Variants in ABCA13 observed in about 807,000 individuals in gnomAD.
ABCA13 encodes ATP binding cassette subfamily A member 13, also known as ATP-binding cassette sub-family A member 13.
Under a neutral mutation model 478.7 loss-of-function variants are expected in ABCA13, and 476 were observed. The observed-to-expected ratio is 0.99, with a 90% confidence interval of 0.92 to 1.07. The LOEUF (loss-of-function observed/expected upper bound fraction) is 1.07. Ranked by LOEUF, ABCA13 falls within the 50% of genes least tolerant of loss-of-function variation. ABCA13 has a pLI of 0.00. For synonymous variants in ABCA13, 2,252 were observed against 2,158.9 expected (o/e 1.04, Z -1.20); for missense variants, 6,060 against 5,910.6 (o/e 1.03, Z -0.83).
rs553726777 is a variant in ABCA13 at position 48,479,476 on chromosome 7, G to A, written c.12976-1560G>A. On this transcript the variant is annotated intron_variant, in intron 45 of 61. Transcript: ENST00000435803. ...TGGTCTCAAACTCCTGACCTCAAGC[G>A]ATCCACCCACCTCCGCCTCCCAATG... is the stretch of plus-strand genomic sequence containing the variant. 2.6e-5 allele frequency among the ~76,000 whole-genome samples: 4 copies of A among 152,106 alleles called. No individual in the cohort carries two copies. The East Asian group carries it at 5.8e-4, about 22-fold the overall frequency.
chr7:48,581,679 T>G (rs1442462661), intron 56 of ABCA13, among the ~76,000 whole-genome samples: 1 of 152,246 alleles, frequency 6.6e-6, no homozygotes. Context: ...GATATTCATC[T>G]GTCTTACAAC....
chr7:48,339,736 C>G (rs1226203943), intron 29 of ABCA13, among the ~76,000 whole-genome samples: 1 of 152,204 alleles, frequency 6.6e-6, no homozygotes, highest in South Asian at 2.1e-4. Flanking sequence ...GTGATCCTCT[C>G]TTCTTTCTGC....
At chr7:48,451,053 A>G (rs1032112018) in intron 42 of ABCA13, among the ~76,000 whole-genome samples, 1 of 140,372 alleles carries the variant, frequency 7.1e-6, no homozygotes, top group Non-Finnish European at 1.5e-5. Flanking sequence ...GCTGGAGTGC[A>G]GTGGCGTGAT....
Position 48,524,361 on chromosome 7 carries a change from A to T in ABCA13, c.14165A>T (p.Asn4722Ile). The T allele has an allele frequency of 6.2e-7, 1 of 1,613,278 alleles. No homozygotes were observed. The highest frequency in any genetic ancestry group is 8.5e-7 in the Non-Finnish European group (1 of 1,179,564). Residue 4722 changes from asparagine (N) to isoleucine (I), a missense_variant, in exon 54 of 62, where the codon AAC becomes ATC. Asn to Ile is a moderately radical substitution (Grantham distance 149). This residue lies in a region of ABCA13 where 1,627 missense variants were observed against 1,571.0 expected (regional missense o/e 1.04). Transcript: ENST00000435803. ...AATGGAGACATTCTTGTGTTATACA[A>T]CCTTAGTAAACATTATCGACGCTTT... is the stretch of plus-strand genomic sequence containing the variant. Reference protein sequence around the residue: ...RTNGDILVLYNLSKHYRRFFQ... With the variant: ...RTNGDILVLYILSKHYRRFFQ...
intron 1 of ABCA13, among the ~76,000 whole-genome samples, chr7:48,179,922 A>G (rs971651627): frequency 2.0e-5 from 3 of 152,166 alleles, no homozygotes; most frequent in African/African-American, 7.2e-5. Flanking sequence ...CCTGCGTGAC[A>G]GAACTTCTTA....
intron 15 of ABCA13, among the ~76,000 whole-genome samples, chr7:48,258,685 T>A (rs984520968): frequency 6.6e-6 from 1 of 152,148 alleles, no homozygotes; most frequent in Non-Finnish European, 1.5e-5. Flanking sequence ...GTTTGTCTAG[T>A]TCCTGTAGGT....
At chr7:48,634,295 TGTG>T (rs1794447605) in intron 59 of ABCA13, among the ~76,000 whole-genome samples, 1 of 152,232 alleles carries the variant, frequency 6.6e-6, no homozygotes. Context: ...GTTTTGGTAT[TGTG>T]GTAACACTGG....
At chr7:48,389,436 G>A (rs1318458767) in intron 37 of ABCA13, among the ~76,000 whole-genome samples, 1 of 152,144 alleles carries the variant, frequency 6.6e-6, no homozygotes, top group African/African-American at 2.4e-5. Flanking sequence ...TAGGCCTGGG[G>A]CTCAGTCAAA....
chr7:48,308,013 A>T (rs1801170864), intron 23 of ABCA13, among the ~76,000 whole-genome samples: 1 of 152,248 alleles, frequency 6.6e-6, no homozygotes, highest in East Asian at 1.9e-4. Context: ...AAACTTTTGG[A>T]CTCTTCAGTG....
intron 20 of ABCA13, among the ~76,000 whole-genome samples, chr7:48,293,989 C>T (rs1241396275): frequency 6.6e-6 from 1 of 152,144 alleles, no homozygotes; most frequent in African/African-American, 2.4e-5. Context: ...CGGTTTTATC[C>T]ACCTCACATA....
chr7:48,227,878 G>A (rs1027643639), intron 6 of ABCA13, among the ~76,000 whole-genome samples: 1 of 152,152 alleles, frequency 6.6e-6, no homozygotes, highest in Non-Finnish European at 1.5e-5. Flanking sequence ...TAGTTGCCCA[G>A]TATAGCATTC....
intron 35 of ABCA13, among the ~76,000 whole-genome samples, chr7:48,383,536 T>C (rs969014247): frequency 4.5e-4 from 69 of 152,366 alleles, no homozygotes; most frequent in African/African-American, 1.6e-3. Flanking sequence ...AATGTGAAGG[T>C]GTTCAATGAC....
At chr7:48,631,639 T>C (rs1794174420) in intron 59 of ABCA13, among the ~76,000 whole-genome samples, 1 of 151,924 alleles carries the variant, frequency 6.6e-6, no homozygotes, top group Non-Finnish European at 1.5e-5. Flanking sequence ...TATTGGAGCT[T>C]TTTCTTTCTT....
At chr7:48,240,098 C>A (rs1304475072) in intron 9 of ABCA13, among the ~76,000 whole-genome samples, 1 of 152,222 alleles carries the variant, frequency 6.6e-6, no homozygotes, top group Non-Finnish European at 1.5e-5. Flanking sequence ...AAAGAACACA[C>A]CTCTTTAACT....
intron 27 of ABCA13, among the ~76,000 whole-genome samples, chr7:48,329,243 C>A (rs1437558979): frequency 6.6e-6 from 1 of 152,140 alleles, no homozygotes; most frequent in African/African-American, 2.4e-5. Context: ...AATAACGATG[C>A]TTCTTCTGCA....
intron 58 of ABCA13, among the ~76,000 whole-genome samples, chr7:48,603,327 T>G (rs1262099366): frequency 2.6e-5 from 4 of 152,208 alleles, no homozygotes; most frequent in Non-Finnish European, 5.9e-5. Flanking sequence ...AGAGAATGCT[T>G]CTAGGTTTTG....
intron 31 of ABCA13, among the ~76,000 whole-genome samples, chr7:48,358,325 A>C (rs999167376): frequency 3.5e-5 from 5 of 144,832 alleles, no homozygotes; most frequent in Admixed American, 7.1e-5. Context: ...TTTGAGCAGT[A>C]GTTCTTAACC....
At chr7:48,380,823 G>A (rs1814236910) in intron 35 of ABCA13, among the ~76,000 whole-genome samples, 1 of 152,058 alleles carries the variant, frequency 6.6e-6, no homozygotes. Context: ...CTCACCTGTG[G>A]ATGTGCCTTT....
chr7:48,267,272 T>C (rs1372980443), intron 15 of ABCA13, among the ~76,000 whole-genome samples: 3 of 152,050 alleles, frequency 2.0e-5, no homozygotes, highest in Non-Finnish European at 4.4e-5. Flanking sequence ...CTCTTGACTA[T>C]AATTGTACAT....
Sources: allele counts gnomAD v4.1 joint callset (sites outside exome capture counted in the v4.1 genomes callset), GRCh38; gene constraint gnomAD v4.1.1; regional missense constraint gnomAD v4.1.1; transcripts MANE v1.5; gene names NCBI Gene and HGNC (gene_info 2026-07-23, HGNC 2026-07-21).